The following STARD13 variants were observed in gnomAD, a reference collection of about 807,000 sequenced individuals.
The protein encoded by STARD13 is stAR-related lipid transfer protein 13.
A neutral mutation model predicts 106.4 loss-of-function variants in STARD13; 62 were observed. The observed-to-expected ratio is 0.58, with a 90% CI of 0.48 to 0.72. The LOEUF is 0.72. Among genes scored for constraint, STARD13 ranks in the 30% least tolerant of loss-of-function variants. The probability of loss-of-function intolerance (pLI) is 0.00; values close to 1 mark genes in which losing one functional copy is unlikely to be tolerated. For synonymous variants in STARD13, 565 were observed against 553.0 expected (o/e 1.02, Z -0.31); for missense variants, 1,387 against 1,424.0 (o/e 0.97, Z 0.42).
chr13:33,147,418 T>C (rs530803806), intron 3 of STARD13, among the ~76,000 whole-genome samples: 1 of 152,304 alleles, frequency 6.6e-6, no homozygotes, highest in East Asian at 1.9e-4. Flanking sequence ...GCTGAAGCCA[T>C]ATTGTAACAT....
chr13:33,257,179 C>T (rs1278509512), intron 1 of STARD13, among the ~76,000 whole-genome samples: 1 of 152,124 alleles, frequency 6.6e-6, no homozygotes, highest in Non-Finnish European at 1.5e-5. Flanking sequence ...AAAGTCTGAC[C>T]TGAAGATGTA....
Position 33,105,622 on chromosome 13 carries a change from T to C in STARD13, c.3313A>G (p.Ile1105Val), listed in dbSNP as rs1028023986. 1 of 1,613,922 alleles carries C rather than the reference T, an allele frequency of 6.2e-7. No homozygotes were observed. The highest frequency in any genetic ancestry group is 8.5e-7 in the Non-Finnish European group (1 of 1,179,786). Reference sequence around the variant, plus strand: ...ATTTTAGTTTCTGGGCCCTCAGCAATGAGGGGCTGGAAAGAGTTTCTAATC... The same window carrying C: ...ATTTTAGTTTCTGGGCCCTCAGCAACGAGGGGCTGGAAAGAGTTTCTAATC... ...ARIRNSFQPL[I>V]AEGPETKI The change falls in exon 14 of 14, where the codon ATT (isoleucine) becomes GTT (valine). Residue 1105 changes from isoleucine to valine, a missense_variant. Ile to Val is a conservative substitution (Grantham distance 29, BLOSUM62 3). Coordinates refer to ENST00000336934, the MANE Select transcript of STARD13 (RefSeq NM_178006.4).
downstream of STARD13, among the ~76,000 whole-genome samples, chr13:33,347,406 TTTTG>T (rs779909974): frequency 2.6e-5 from 4 of 152,092 alleles, no homozygotes; most frequent in Non-Finnish European, 4.4e-5. Context: ...TGGCTAATTT[TTTTG>T]TTTGTTTGTT....
chr13:33,458,481 G>T, the STARD13 span, among the ~76,000 whole-genome samples: 1 of 151,968 alleles, frequency 6.6e-6, no homozygotes, highest in East Asian at 1.9e-4. Flanking sequence ...TTTATAATCT[G>T]GTTTCTCCTG....
chr13:33,641,372 C>T, the STARD13 span, among the ~76,000 whole-genome samples: 1 of 152,160 alleles, frequency 6.6e-6, no homozygotes, highest in Admixed American at 6.5e-5. Flanking sequence ...TGTGAGGCCA[C>T]CACACACAGC....
At chr13:33,556,581 C>G in the STARD13 span, among the ~76,000 whole-genome samples, 2 of 152,168 alleles carry the variant, frequency 1.3e-5, no homozygotes, top group African/African-American at 4.8e-5. Context: ...TGCCCACTGT[C>G]TTTTCCTTAC....
rs142216736 is a variant in STARD13 at position 33,155,196 on chromosome 13, C to A, written c.323+10141G>T. On this transcript the variant is annotated intron_variant, in intron 3 of 13. Coordinates refer to ENST00000336934, the MANE Select transcript of STARD13 (RefSeq NM_178006.4). ...TCACCCACCCAACACCTCAGCCCAC[C>A]CTATCTTCCCTCCTGACTCGCTCCT... 8.5e-5 allele frequency among the ~76,000 whole-genome samples: 13 copies of A among 152,218 alleles called. No homozygotes were observed. The East Asian group carries it at 2.5e-3, about 29-fold the overall frequency.
chr13:33,354,314 A>T (rs9591693), upstream of STARD13, among the ~76,000 whole-genome samples: 586 of 152,128 alleles, frequency 3.9e-3, 2 homozygotes, highest in Non-Finnish European at 5.6e-3. Flanking sequence ...CCTTACCCTA[A>T]TTTTTTTGTT....
chr13:33,320,552 C>T (rs775335339), intron 1 of STARD13, among the ~76,000 whole-genome samples: 13 of 152,166 alleles, frequency 8.5e-5, no homozygotes, highest in Non-Finnish European at 1.3e-4. Flanking sequence ...GTTTTCAGTC[C>T]TCCTCTCAGG....
chr13:33,453,025 G>T, the STARD13 span, among the ~76,000 whole-genome samples: 2 of 152,150 alleles, frequency 1.3e-5, no homozygotes, highest in South Asian at 2.1e-4. Context: ...CAAATCAAGA[G>T]CTTGGGTTGG....
the STARD13 span, among the ~76,000 whole-genome samples, chr13:33,652,100 T>G: frequency 2.0e-5 from 3 of 152,350 alleles, no homozygotes; most frequent in Admixed American, 2.0e-4. Context: ...AATAAAATGC[T>G]TATTGTTTCA....
At chr13:33,358,113 T>G in the STARD13 span, among the ~76,000 whole-genome samples, 347 of 152,360 alleles carry the variant, frequency 2.3e-3, 1 homozygote, top group African/African-American at 7.8e-3. Context: ...AATGAGGGAC[T>G]TAGCACCCGG....
the STARD13 span, among the ~76,000 whole-genome samples, chr13:33,363,862 C>G: frequency 1.3e-5 from 2 of 152,164 alleles, no homozygotes; most frequent in African/African-American, 4.8e-5. Context: ...GCATTGAAAA[C>G]TGGGGCTGCA....
At chr13:33,222,179 C>T (rs907657309) in intron 1 of STARD13, among the ~76,000 whole-genome samples, 3 of 151,918 alleles carry the variant, frequency 2.0e-5, no homozygotes, top group East Asian at 1.9e-4. Flanking sequence ...ACCTATGCTG[C>T]GACATGAGTG....
chr13:33,667,451 T>C, the STARD13 span, among the ~76,000 whole-genome samples: 1 of 152,248 alleles, frequency 6.6e-6, no homozygotes, highest in East Asian at 1.9e-4. Context: ...CATTTTACTT[T>C]AAATTTACTT....
rs191392205 is a variant in STARD13, at chr13:33,108,495, T to G, written c.3047+1378A>C. Among the ~76,000 whole-genome samples, 6 of 152,346 alleles carry G rather than the reference T, an allele frequency of 3.9e-5. No homozygotes were observed. The East Asian group carries it at 9.6e-4, about 24-fold the overall frequency. ...TCCATCCCTTACTATCTCCCTATCT[T>G]ATTCCTCCCAGGATAAGTAAGCCCA... On this transcript the variant is annotated intron_variant, in intron 12 of 13. Transcript: ENST00000336934.
Position 33,128,996 on chromosome 13 carries a change from A to T in STARD13, c.1681T>A (p.Ser561Thr). Residue 561 changes from serine (S) to threonine (T), a missense_variant, in exon 5 of 14, where the codon TCT (serine) becomes ACT (threonine). Physicochemically the swap from Ser to Thr is moderately conservative, Grantham distance 58 (BLOSUM62 1). Transcript: ENST00000336934. The stretch of plus-strand genomic sequence containing the variant: ...CTGTCTCTGACCCCAGGAGGCTCAG[A>T]TTCATTAAGAGATGTTACATCTCTT... ...VERDVTSLNE[S>T]EPPGVRDRRD... 6.2e-7 allele frequency: 1 copy of T among 1,614,058 alleles called. No individual in the cohort carries two copies. The highest frequency in any genetic ancestry group is 2.2e-5 in the East Asian group (1 of 44,860).
At chr13:33,439,343 G>C in the STARD13 span, among the ~76,000 whole-genome samples, 12 of 152,302 alleles carry the variant, frequency 7.9e-5, no homozygotes, top group East Asian at 1.2e-3. Flanking sequence ...CTTCGAAGCA[G>C]ATGTTTCAGT....
upstream of STARD13, among the ~76,000 whole-genome samples, chr13:33,352,206 AC>A (rs1397560550): frequency 1.2e-4 from 18 of 152,118 alleles, no homozygotes; most frequent in African/African-American, 4.3e-4. Flanking sequence ...CAAGCCAAAT[AC>A]CCTTTTGATT....
Sources: gnomAD v4.1 joint callset for allele counts (sites outside exome capture counted in the v4.1 genomes callset) on GRCh38, gnomAD v4.1.1 for gene constraint, MANE v1.5 for transcripts, NCBI Gene and HGNC (gene_info 2026-07-23, HGNC 2026-07-21) for gene names.